DHX38: variants seen among roughly 807,000 people sequenced by gnomAD.
DHX38 encodes pre-mRNA-splicing factor ATP-dependent RNA helicase PRP16.
In DHX38, 100 loss-of-function variants were observed where a neutral mutation model predicts 153.1. The ratio of observed to expected loss-of-function variants is 0.65; its 90% CI spans 0.56 to 0.77. DHX38 has a LOEUF of 0.77. Ranked by LOEUF, DHX38 falls within the 30% of genes least tolerant of loss-of-function variation. The pLI, the probability that DHX38 is intolerant of heterozygous loss-of-function variation, is 0.00. For missense variants in DHX38, 1,440 were observed against 1,654.0 expected, an observed-to-expected ratio of 0.87 and a Z score of 2.24; for synonymous variants, 650 against 631.7, an observed-to-expected ratio of 1.03 and a Z score of -0.43.
chr16:72,102,291 T>C (rs1255343993), intron 11 of DHX38, among the ~76,000 whole-genome samples: 2 of 152,214 alleles, frequency 1.3e-5, no homozygotes, highest in African/African-American at 2.4e-5. Context: ...TCTAGTTAAC[T>C]TAATTCCTCA....
At position 72,104,941 on chromosome 16, in the gene DHX38, C is replaced by T; in HGVS notation, c.2152-86C>T. 7.6e-7 allele frequency: 1 copy of T among 1,318,108 alleles called. No homozygotes were observed. Among genetic ancestry groups the T allele is most frequent in the Non-Finnish European group, 1.1e-6 (1 of 951,808 alleles). The allele number at this position is 1,318,108 out of a possible 1,614,324, so 81.7% of individuals were successfully genotyped here. Reference sequence around the variant, plus strand: ...CAAAGTCCATGGCTCCATTCCAGAGCAGTGCCTGGGCCACTGGGCTCCCAG... The same window carrying T: ...CAAAGTCCATGGCTCCATTCCAGAGTAGTGCCTGGGCCACTGGGCTCCCAG... On this transcript the variant is annotated intron_variant, in intron 15 of 26. Coordinates refer to ENST00000268482, the MANE Select transcript of DHX38 (RefSeq NM_014003.4). The surrounding 1 kb of genome is among the most constrained non-coding windows in gnomAD (Gnocchi z 4.5).
chr16:72,101,037 C>T (rs753286650), intron 9 of DHX38, 49 bp from the exon 10 acceptor site: 4 of 1,564,042 alleles, frequency 2.6e-6, no homozygotes, highest in Non-Finnish European at 3.5e-6. Flanking sequence ...ATGAACATGG[C>T]CTTCTTGCTG....
chr16:72,112,369 G>A, intron 26 of DHX38, 44 bp from the exon 27 acceptor site: 1 of 1,579,396 alleles, frequency 6.3e-7, no homozygotes, highest in African/African-American at 1.3e-5. Context: ...CCTGGCTGTG[G>A]GTGAGGGCAC....
At position 72,099,252 on chromosome 16, in the gene DHX38, A is replaced by G; in HGVS notation, c.932A>G (p.Glu311Gly). The change falls in exon 7 of 27, where the codon GAG becomes GGG. Residue 311 changes from glutamate to glycine, a missense_variant. Glu to Gly is a moderately conservative substitution (Grantham distance 98, BLOSUM62 -2). This residue lies in a region of DHX38 where 483 missense variants were observed against 465.1 expected (regional missense o/e 1.04). Transcript: ENST00000268482. ...EEGISFDTEE[E>G]RQQWEDDQRQ... ...GGAATTTCATTTGACACGGAGGAGG[A>G]GCGGCAGCAGTGGGAAGATGACCAG... 6.2e-7 allele frequency: 1 copy of G among 1,612,648 alleles called. No homozygotes were observed. Among genetic ancestry groups the G allele is most frequent in the East Asian group, 2.2e-5 (1 of 44,870 alleles).
rs369542250 is a variant in DHX38, at chr16:72,098,795, G to A, written c.764+3G>A. ...CTGTCCACTCGAGATCGAGACAGGTGATGTTCTGGGCAGAGCAGCCCAGTT... is the reference window on the plus strand; with the variant it reads ...CTGTCCACTCGAGATCGAGACAGGTAATGTTCTGGGCAGAGCAGCCCAGTT... On this transcript the variant is annotated splice_donor_region_variant and intron_variant, in intron 5 of 26. Coordinates refer to ENST00000268482, the MANE Select transcript of DHX38 (RefSeq NM_014003.4). The A allele has an allele frequency of 2.2e-5, 35 of 1,614,126 alleles. No individual in the cohort carries two copies. The Middle Eastern group carries it at 4.9e-4, about 23-fold the overall frequency.
intron 1 of DHX38, among the ~76,000 whole-genome samples, chr16:72,095,235 C>T (rs1021574958): frequency 6.6e-6 from 1 of 152,182 alleles, no homozygotes; most frequent in African/African-American, 2.4e-5. Flanking sequence ...AACTTGAGTG[C>T]CAGAAGTCTT....
In DHX38 at chr16:72,107,983, C is replaced by T. The variant is rs988266567; in HGVS notation, c.2964+184C>T. On this transcript the variant is annotated intron_variant, in intron 21 of 26. Coordinates refer to ENST00000268482, the MANE Select transcript of DHX38 (RefSeq NM_014003.4). The surrounding 1 kb of genome is among the most constrained non-coding windows in gnomAD (Gnocchi z 5.3). ...AAGGAAGGGCTGGGCCAGTGGTTCT[C>T]AGGGAATGCTTTGGAAATTTGCAAG... Among the ~76,000 whole-genome samples, 2 of 152,184 alleles carry T rather than the reference C, an allele frequency of 1.3e-5. No homozygotes were observed. Among genetic ancestry groups the T allele is most frequent in the Admixed American group, 6.5e-5 (1 of 15,278 alleles).
In DHX38 at chr16:72,104,683, C is replaced by T. The variant is rs1016315198; in HGVS notation, c.2151+57C>T. On this transcript the variant is annotated intron_variant, in intron 15 of 26. Coordinates refer to ENST00000268482, the MANE Select transcript of DHX38 (RefSeq NM_014003.4). This position sits in a 1 kb window ranked among gnomAD's most constrained non-coding sequence, Gnocchi z 4.5. The stretch of plus-strand genomic sequence containing the variant: ...TTCCATGCCACGCACTTCTCTGATG[C>T]GAAGCCGGCTGGAGGGTGGAGGGTG... The T allele has an allele frequency of 1.2e-5, 19 of 1,606,130 alleles. No individual in the cohort carries two copies. Among genetic ancestry groups the T allele is most frequent in the South Asian group, 3.3e-5 (3 of 90,684 alleles).
chr16:72,109,108 C>T (rs2042223972), intron 24 of DHX38, among the ~76,000 whole-genome samples, 183 bp downstream of exon 24: 1 of 152,196 alleles, frequency 6.6e-6, no homozygotes, highest in East Asian at 1.9e-4. Context: ...CAGGGTTGAC[C>T]TCTAGACTGC....
rs148217836 is a variant in DHX38, at chr16:72,105,276, C to T, written c.2307C>T (p.Asn769=). 1.6e-4 allele frequency: 260 copies of T among 1,614,142 alleles called. 1 individual carries two copies. The highest frequency in any genetic ancestry group is 8.6e-4 in the South Asian group (78 of 91,086). ...TGGAGCATCTGGAGGAACTGGAGAA[C>T]GCGCCTGCCCTGGCTGTGCTGCCCA... ...QIVEHLEELE[N]APALAVLPIY... is the part of the protein sequence containing the mutation. The change falls in exon 17 of 27, where the codon AAC becomes AAT. Residue 769 remains asparagine, a synonymous_variant. Coordinates refer to ENST00000268482, the MANE Select transcript of DHX38 (RefSeq NM_014003.4).
Position 72,101,013 on chromosome 16 carries a change from C to G in DHX38, c.1279-73C>G, listed in dbSNP as rs2042092201. The G allele has an allele frequency of 2.1e-6, 3 of 1,427,654 alleles. No individual in the cohort carries two copies. In the Admixed American group the frequency reaches 5.0e-5, roughly 24 times the overall value. The allele number at this position is 1,427,654 out of a possible 1,614,324, so 88.4% of individuals were successfully genotyped here. ...CATGAGAGGGTAGCAGTCCCTTTCA[C>G]AAGTAGGGATCTTATGAACATGGCC... On this transcript the variant is annotated intron_variant, in intron 9 of 26. Transcript: ENST00000268482.
At chr16:72,100,639 A>G in intron 9 of DHX38, 42 bp downstream of exon 9, 1 of 1,602,640 alleles carries the variant, frequency 6.2e-7, no homozygotes, top group Non-Finnish European at 8.5e-7. Context: ...GCTCAGAGAG[A>G]CCTGATGTGG....
In DHX38 at chr16:72,108,490, T is replaced by C. The variant is rs1485335159; in HGVS notation, c.3138T>C (p.Ala1046=). 6.2e-7 allele frequency: 1 copy of C among 1,614,114 alleles called. No individual in the cohort carries two copies. The highest frequency in any genetic ancestry group is 2.2e-5 in the East Asian group (1 of 44,880). Residue 1046 remains alanine, a synonymous_variant, in exon 23 of 27, where the codon GCT becomes GCC. Coordinates refer to ENST00000268482, the MANE Select transcript of DHX38 (RefSeq NM_014003.4). ...KAMRKVREVR[A]QLKDIMVQQR... is the part of the protein sequence containing the mutation. ...TGCCCTAGGTCCGGGAGGTGCGAGC[T>C]CAACTCAAGGACATCATGGTGCAGC...
Position 72,099,008 on chromosome 16 carries a change from A to T in DHX38, c.846A>T (p.Arg282Ser). The change falls in exon 6 of 27, where the codon AGA becomes AGT. Residue 282 changes from arginine (R) to serine (S), a missense_variant. Arg to Ser is a moderately radical substitution (Grantham distance 110). Transcript: ENST00000268482. Reference protein sequence around the residue: ...YKYNEWADDRRHLGSTPRLSR... With the variant: ...YKYNEWADDRSHLGSTPRLSR... ...ATAACGAGTGGGCCGATGACAGAAG[A>T]CACTTGGGGTCCACCCCGCGTCTGT... The T allele has an allele frequency of 2.5e-6, 4 of 1,613,182 alleles. No homozygotes were observed. The highest frequency in any genetic ancestry group is 2.5e-6 in the Non-Finnish European group (3 of 1,180,038).
In DHX38 at chr16:72,101,126, T is replaced by C; in HGVS notation, c.1319T>C (p.Leu440Pro). 1 of 1,614,266 alleles carries C rather than the reference T, an allele frequency of 6.2e-7. No homozygotes were observed. Among genetic ancestry groups the C allele is most frequent in the Non-Finnish European group, 8.5e-7 (1 of 1,180,054 alleles). Residue 440 changes from leucine (L) to proline (P), a missense_variant, in exon 10 of 27, where the codon CTG (leucine) becomes CCG (proline). By Grantham distance (98) the Leu-to-Pro change is moderately conservative. Coordinates refer to ENST00000268482, the MANE Select transcript of DHX38 (RefSeq NM_014003.4). ...VIPVKDATSD[L>P]AIIARKGSQT... ...CCAGTGAAGGATGCTACTTCTGACC[T>C]GGCCATCATTGCTCGGAAAGGCAGC...
rs1233178450 is a variant in DHX38 at position 72,104,474 on chromosome 16, C to G, written c.2011-12C>G. On this transcript the variant is annotated splice_polypyrimidine_tract_variant and intron_variant, in intron 14 of 26. Transcript: ENST00000268482. The surrounding 1 kb of genome is among the most constrained non-coding windows in gnomAD (Gnocchi z 4.5). ...CCCACCATGGGGGCCTCCGAGCCGC[C>G]TCTTCTCTCAGGTAGTGGCTCGGCG... 1.2e-6 allele frequency: 2 copies of G among 1,613,380 alleles called. No homozygotes were observed. Among genetic ancestry groups the G allele is most frequent in the Non-Finnish European group, 1.7e-6 (2 of 1,179,968 alleles).
intron 9 of DHX38, 43 bp downstream of exon 9, chr16:72,100,640 C>A (rs767827821): frequency 6.2e-7 from 1 of 1,602,128 alleles, no homozygotes; most frequent in Non-Finnish European, 8.5e-7. Flanking sequence ...CTCAGAGAGA[C>A]CTGATGTGGG....
In DHX38 at chr16:72,097,329, G is replaced by A. The variant is rs2042035387; in HGVS notation, c.511+320G>A. On this transcript the variant is annotated intron_variant, in intron 3 of 26. Coordinates refer to ENST00000268482, the MANE Select transcript of DHX38 (RefSeq NM_014003.4). ...GTGATAGAGAAAGGACAGTGCTATG[G>A]AACAAAGCTAGACAAAAAAATCCAA... 7 of 404,838 alleles carry A rather than the reference G, an allele frequency of 1.7e-5. No individual in the cohort carries two copies. The Admixed American group carries it at 1.9e-4, about 11-fold the overall frequency. The allele number at this position is 404,838 out of a possible 1,614,324, so 25.1% of individuals were successfully genotyped here. A position where few individuals can be genotyped will look rare whatever the true frequency, so the allele number is the denominator to read the frequency against.
intron 8 of DHX38, 48 bp from the exon 9 acceptor site, chr16:72,100,388 G>C: frequency 6.3e-7 from 1 of 1,594,038 alleles, no homozygotes; most frequent in Non-Finnish European, 8.6e-7. Context: ...CTTTCAGGAC[G>C]ACCTTTGGGG....
Sources: gnomAD v4.1 joint callset for allele counts (sites outside exome capture counted in the v4.1 genomes callset) on GRCh38, gnomAD v4.1.1 for gene constraint, gnomAD v4.1.1 regional missense constraint, Gnocchi (gnomAD v3.1) non-coding constraint, MANE v1.5 for transcripts, NCBI Gene and HGNC (gene_info 2026-07-23, HGNC 2026-07-21) for gene names.